Variants in CPVL observed in about 807,000 individuals in gnomAD.
CPVL encodes the protein probable serine carboxypeptidase CPVL.
A neutral mutation model predicts 63.7 loss-of-function variants in CPVL; 51 were observed. The ratio of observed to expected loss-of-function variants is 0.80; its 90% CI spans 0.64 to 1.01. The LOEUF is 1.01. Among genes scored for constraint, CPVL ranks in the 50% least tolerant of loss-of-function variants. The probability of loss-of-function intolerance (pLI) is 0.00; values close to 1 mark genes in which losing one functional copy is unlikely to be tolerated. For synonymous variants in CPVL, 195 were observed against 206.0 expected (o/e 0.95, Z 0.46); for missense variants, 530 against 573.1 (o/e 0.92, Z 0.77).
At chr7:29,144,169 C>G (rs1427369587) in intron 1 of CPVL, among the ~76,000 whole-genome samples, 1 of 152,164 alleles carries the variant, frequency 6.6e-6, no homozygotes, top group Non-Finnish European at 1.5e-5. Flanking sequence ...TTTAAATGTT[C>G]TTAGTTCAGT....
At chr7:29,027,559 C>G (rs1043177863) in intron 12 of CPVL, among the ~76,000 whole-genome samples, 7 of 152,046 alleles carry the variant, frequency 4.6e-5, no homozygotes, top group African/African-American at 1.2e-4. Flanking sequence ...GCAGCTGACA[C>G]GATCTTTTAT....
intron 11 of CPVL, among the ~76,000 whole-genome samples, chr7:29,047,978 A>T (rs1789782986): frequency 6.6e-6 from 1 of 152,212 alleles, no homozygotes; most frequent in Non-Finnish European, 1.5e-5. Context: ...AGTCTTTTTC[A>T]GACAAACAGA....
At chr7:29,101,383 G>A (rs1035251270) in intron 3 of CPVL, among the ~76,000 whole-genome samples, 4 of 152,162 alleles carry the variant, frequency 2.6e-5, no homozygotes, top group South Asian at 2.1e-4. Flanking sequence ...GGTGGATCAC[G>A]AGGTCAGGAG....
chr7:29,118,054 T>C (rs1008969370), intron 2 of CPVL, among the ~76,000 whole-genome samples: 1 of 152,218 alleles, frequency 6.6e-6, no homozygotes, highest in African/African-American at 2.4e-5. Flanking sequence ...TTAATTGTTT[T>C]GTGTGTATGC....
intron 5 of CPVL, among the ~76,000 whole-genome samples, chr7:29,151,790 A>G (rs940333379): frequency 2.6e-5 from 4 of 152,072 alleles, no homozygotes; most frequent in Non-Finnish European, 4.4e-5. Context: ...TAGCCTTCTC[A>G]TGTATGGGAA....
chr7:29,080,616 T>A (rs1784616331), intron 7 of CPVL, among the ~76,000 whole-genome samples: 1 of 152,014 alleles, frequency 6.6e-6, no homozygotes, highest in Non-Finnish European at 1.5e-5. Context: ...TCAATATTTT[T>A]ATTTTATCTA....
chr7:29,041,559 G>A (rs988888986), intron 11 of CPVL, among the ~76,000 whole-genome samples: 3 of 151,754 alleles, frequency 2.0e-5, no homozygotes, highest in Middle Eastern at 3.4e-3. Flanking sequence ...TAGGAGGTGG[G>A]TCAAGGAGCC....
chr7:29,035,559 T>C (rs1468338621), intron 11 of CPVL, among the ~76,000 whole-genome samples: 2 of 152,190 alleles, frequency 1.3e-5, no homozygotes, highest in Non-Finnish European at 2.9e-5. Context: ...GTGAGGGCAT[T>C]ACTCACAGTT....
intron 5 of CPVL, among the ~76,000 whole-genome samples, chr7:29,158,205 G>C (rs570969801): frequency 6.6e-6 from 1 of 152,322 alleles, no homozygotes; most frequent in East Asian, 1.9e-4. Flanking sequence ...CGGAATGAAT[G>C]AATGTCTACA....
intron 5 of CPVL, among the ~76,000 whole-genome samples, chr7:29,160,257 G>A (rs959313672): frequency 2.6e-5 from 4 of 152,178 alleles, no homozygotes; most frequent in Non-Finnish European, 5.9e-5. Flanking sequence ...TGTTCACGGT[G>A]ACAGACATGA....
chr7:29,037,294 C>G (rs944531414), intron 11 of CPVL, among the ~76,000 whole-genome samples: 1 of 151,912 alleles, frequency 6.6e-6, no homozygotes, highest in African/African-American at 2.4e-5. Flanking sequence ...CCTATAATCC[C>G]AGCACTTTGG....
At chr7:29,043,181 G>A (rs1489234467) in intron 11 of CPVL, among the ~76,000 whole-genome samples, 1 of 151,952 alleles carries the variant, frequency 6.6e-6, no homozygotes, top group Admixed American at 6.6e-5. Flanking sequence ...TTTCCAACCA[G>A]GTTGATCTCC....
At chr7:29,093,144 G>C (rs1379611594) in intron 5 of CPVL, among the ~76,000 whole-genome samples, 8 of 152,022 alleles carry the variant, frequency 5.3e-5, no homozygotes. Flanking sequence ...CCAGCACTTT[G>C]GGAGGCTGAG....
At position 29,096,100 on chromosome 7, in the gene CPVL, T is replaced by C. The variant is rs1157199826; in HGVS notation, c.403+3A>G. Reference sequence around the variant, plus strand: ...TAGGAAATACAGTGCAAGGGATACTTACAGGTCATGTTACTTGTGACAACA... The same window carrying C: ...TAGGAAATACAGTGCAAGGGATACTCACAGGTCATGTTACTTGTGACAACA... On this transcript the variant is annotated splice_donor_region_variant and intron_variant, in intron 4 of 12. Coordinates refer to ENST00000265394, the MANE Select transcript of CPVL (RefSeq NM_031311.5). 1 of 1,609,288 alleles carries C rather than the reference T, an allele frequency of 6.2e-7. No individual in the cohort carries two copies. The highest frequency in any genetic ancestry group is 1.1e-5 in the South Asian group (1 of 90,982).
At chr7:29,134,350 A>G (rs1790979471) in intron 1 of CPVL, among the ~76,000 whole-genome samples, 1 of 152,216 alleles carries the variant, frequency 6.6e-6, no homozygotes, top group Non-Finnish European at 1.5e-5. Flanking sequence ...CTGCTGACAA[A>G]TCCCTTCAAC....
rs568232439 is a variant in CPVL at position 29,028,311 on chromosome 7, C to G, written c.1320+2266G>C. On this transcript the variant is annotated intron_variant, in intron 12 of 12. Coordinates refer to ENST00000265394, the MANE Select transcript of CPVL (RefSeq NM_031311.5). ...TAGAATAAGCTCAAAAACGAAACCC[C>G]TATCTCTCACCATATCCATGTAAAA... 8.5e-5 allele frequency among the ~76,000 whole-genome samples: 13 copies of G among 152,208 alleles called. No individual in the cohort carries two copies. The South Asian group carries it at 2.5e-3, about 29-fold the overall frequency.
In CPVL at chr7:29,064,180, G is replaced by A; in HGVS notation, c.1018C>T (p.Gln340Ter). 1 of 1,613,326 alleles carries A rather than the reference G, an allele frequency of 6.2e-7. No homozygotes were observed. The highest frequency in any genetic ancestry group is 8.5e-7 in the Non-Finnish European group (1 of 1,179,312). Residue 340 changes from glutamine to a stop codon, truncating the protein, a stop_gained, in exon 11 of 13, where the codon CAA (glutamine) becomes TAA (stop). Coordinates refer to ENST00000265394, the MANE Select transcript of CPVL (RefSeq NM_031311.5). LOFTEE classifies it high-confidence loss of function. ...GTCTGATTCCCCACGTGGATGGCTT[G>A]TCTCACCTCTGGGAGTGACAAAAAT... ...VKFLSLPEVR[Q>*]AIHVGNQTFN...
chr7:29,048,974 T>C (rs1385057452), intron 11 of CPVL, among the ~76,000 whole-genome samples: 1 of 151,892 alleles, frequency 6.6e-6, no homozygotes, highest in Admixed American at 6.6e-5. Context: ...TGAACGACAA[T>C]AATGACACAA....
At chr7:29,059,774 A>G (rs161052) in intron 11 of CPVL, among the ~76,000 whole-genome samples, 8,749 of 152,132 alleles carry the variant, frequency 0.058, 654 homozygotes, top group African/African-American at 0.17. Flanking sequence ...ACTTGTCCCT[A>G]TGGAGCCTCT....
Sources: gnomAD v4.1 joint callset for allele counts (sites outside exome capture counted in the v4.1 genomes callset) on GRCh38, gnomAD v4.1.1 for gene constraint, MANE v1.5 for transcripts, NCBI Gene and HGNC (gene_info 2026-07-23, HGNC 2026-07-21) for gene names.